The following ASAP1 variants were observed in gnomAD, a reference collection of about 807,000 sequenced individuals.
ASAP1 encodes ArfGAP with SH3 domain, ankyrin repeat and PH domain 1.
ASAP1 carries 43 observed loss-of-function variants against 145.2 expected under a neutral mutation model. The ratio of observed to expected loss-of-function variants is 0.30; its 90% CI spans 0.23 to 0.38. The LOEUF is 0.38. ASAP1 is among the 10% of genes least tolerant of loss of function. The pLI is 1.00. For missense variants in ASAP1, 1,018 were observed against 1,355.3 expected (o/e 0.75, Z 3.91); for synonymous variants, 546 against 515.5 (o/e 1.06, Z -0.80).
chr8:130,092,838 C>A (rs934433868), intron 24 of ASAP1, among the ~76,000 whole-genome samples: 77 of 151,704 alleles, frequency 5.1e-4, no homozygotes, highest in African/African-American at 1.5e-3. Context: ...CAGGCTAAGC[C>A]TTCACTGGGC....
chr8:130,120,122 G>A (rs2097563330), intron 18 of ASAP1, among the ~76,000 whole-genome samples: 1 of 152,168 alleles, frequency 6.6e-6, no homozygotes, highest in African/African-American at 2.4e-5. Context: ...GAGACCAACT[G>A]ATTCTACTAA....
intron 3 of ASAP1, among the ~76,000 whole-genome samples, chr8:130,289,219 C>G (rs1005602231): frequency 6.6e-6 from 1 of 151,760 alleles, no homozygotes. Context: ...AAAAAAAAAA[C>G]TATACTTACC....
intron 12 of ASAP1, among the ~76,000 whole-genome samples, chr8:130,153,052 T>C (rs1014855763): frequency 6.6e-6 from 1 of 151,850 alleles, no homozygotes; most frequent in African/African-American, 2.4e-5. Flanking sequence ...AGTCTTGCTC[T>C]GTTGCCCAAG....
chr8:130,336,588 A>G (rs1319402692), intron 3 of ASAP1, among the ~76,000 whole-genome samples: 1 of 152,222 alleles, frequency 6.6e-6, no homozygotes. Context: ...AGAAATAAAG[A>G]CTAAGGCAGG....
chr8:130,226,582 A>C (rs1817602307), intron 4 of ASAP1, among the ~76,000 whole-genome samples: 1 of 152,170 alleles, frequency 6.6e-6, no homozygotes, highest in Non-Finnish European at 1.5e-5. Flanking sequence ...TTGTTCTTTC[A>C]AAGTCCTAAC....
chr8:130,270,584 C>T (rs976938636), intron 3 of ASAP1, among the ~76,000 whole-genome samples: 2 of 152,206 alleles, frequency 1.3e-5, no homozygotes, highest in Admixed American at 6.5e-5. Flanking sequence ...TCAACTAAAA[C>T]ATGCATAAGA....
At chr8:130,173,796 G>A (rs1254102999) in intron 9 of ASAP1, among the ~76,000 whole-genome samples, 1 of 151,308 alleles carries the variant, frequency 6.6e-6, no homozygotes, top group South Asian at 2.1e-4. Context: ...AAAAAGGCCG[G>A]GTGTGGTGGC....
chr8:130,321,896 G>T (rs1472114075), intron 3 of ASAP1, among the ~76,000 whole-genome samples: 1 of 152,220 alleles, frequency 6.6e-6, no homozygotes, highest in African/African-American at 2.4e-5. Context: ...ATGATAAAAT[G>T]AAATAAGTGT....
chr8:130,096,523 A>C (rs2097518198), intron 24 of ASAP1, among the ~76,000 whole-genome samples: 1 of 152,224 alleles, frequency 6.6e-6, no homozygotes, highest in Non-Finnish European at 1.5e-5. Context: ...AATATTGGCT[A>C]CCATGTGAAA....
chr8:130,059,472 A>T (rs887945744), intron 28 of ASAP1, among the ~76,000 whole-genome samples: 1 of 151,576 alleles, frequency 6.6e-6, no homozygotes, highest in Admixed American at 6.6e-5. Flanking sequence ...GCCCCATTTT[A>T]ATTTTTTTGA....
At chr8:130,246,222 A>G (rs1338888458) in intron 3 of ASAP1, among the ~76,000 whole-genome samples, 13 of 152,090 alleles carry the variant, frequency 8.5e-5, no homozygotes, top group Non-Finnish European at 8.8e-5. Flanking sequence ...AGACTAGATG[A>G]GTGAAGGGAG....
chr8:130,384,489 G>GT (rs567865524), intron 2 of ASAP1, among the ~76,000 whole-genome samples: 108 of 152,164 alleles, frequency 7.1e-4, no homozygotes, highest in African/African-American at 2.5e-3. Flanking sequence ...AGGATAGTGT[G>GT]TTTTTTTCAG....
intron 20 of ASAP1, 74 bp downstream of exon 20, chr8:130,118,087 C>A (rs1439507518): frequency 5.5e-6 from 7 of 1,270,350 alleles, no homozygotes; most frequent in African/African-American, 3.0e-5. Context: ...CCGATCTAGG[C>A]CACTGATAGG....
At chr8:130,054,840 C>A (rs1005842177) in intron 29 of ASAP1, 35 bp from the exon 30 acceptor site, 5 of 1,581,090 alleles carry the variant, frequency 3.2e-6, no homozygotes, top group Non-Finnish European at 4.3e-6. Context: ...AGGATGGAGG[C>A]AGCAGGCAGT....
At chr8:130,430,177 G>A (rs1830089221) in intron 1 of ASAP1, among the ~76,000 whole-genome samples, 1 of 152,134 alleles carries the variant, frequency 6.6e-6, no homozygotes, top group Non-Finnish European at 1.5e-5. Flanking sequence ...CAAACTCTCA[G>A]CTAAAAAGGA....
rs1422006114 is a variant in ASAP1 at position 130,069,434 on chromosome 8, G to C, written c.2701+6914C>G. 2.0e-5 allele frequency: 3 copies of C among 152,134 alleles called. No homozygotes were observed. The East Asian group carries it at 5.8e-4, about 29-fold the overall frequency. The allele number at this position is 152,134 out of a possible 1,614,324, so 9.4% of individuals were successfully genotyped here. On this transcript the variant is annotated intron_variant, in intron 27 of 29. Coordinates refer to ENST00000518721, the MANE Select transcript of ASAP1 (RefSeq NM_018482.4). ...GTATTTTATGTAGAGACAGGGTTCT[G>C]CCATGCTGCCCAGGCTGGTCTCAAA...
intron 24 of ASAP1, among the ~76,000 whole-genome samples, chr8:130,093,931 T>C (rs1195116616): frequency 1.3e-5 from 2 of 152,134 alleles, no homozygotes; most frequent in African/African-American, 4.8e-5. Context: ...AAGTAAATAC[T>C]GTTAATCTCA....
intron 12 of ASAP1, among the ~76,000 whole-genome samples, chr8:130,156,997 G>C (rs2097659388): frequency 6.6e-6 from 1 of 152,124 alleles, no homozygotes. Flanking sequence ...TTATACTTTT[G>C]CTTCAATAGA....
chr8:130,087,072 C>A (rs2097494934), intron 25 of ASAP1, among the ~76,000 whole-genome samples: 1 of 152,160 alleles, frequency 6.6e-6, no homozygotes, highest in Non-Finnish European at 1.5e-5. Flanking sequence ...GCATGGGGGA[C>A]TGGGCGGGGC....
Sources: gnomAD v4.1 joint callset for allele counts (sites outside exome capture counted in the v4.1 genomes callset) on GRCh38, gnomAD v4.1.1 for gene constraint, MANE v1.5 for transcripts, NCBI Gene and HGNC (gene_info 2026-07-23, HGNC 2026-07-21) for gene names.